The following ASAP3 variants were observed in gnomAD, a reference collection of about 807,000 sequenced individuals.
The protein encoded by ASAP3 is arf-GAP with SH3 domain, ANK repeat and PH domain-containing protein 3.
In ASAP3, 85 loss-of-function variants were observed where a neutral mutation model predicts 118.2. The observed-to-expected ratio is 0.72, with a 90% CI of 0.60 to 0.86. ASAP3 has a LOEUF of 0.86. Among genes scored for constraint, ASAP3 ranks in the 40% least tolerant of loss-of-function variants. The pLI is 0.00. For synonymous variants in ASAP3, 432 were observed against 477.4 expected (o/e 0.90, Z 1.24); for missense variants, 1,026 against 1,175.0 (o/e 0.87, Z 1.85).
intron 5 of ASAP3, among the ~76,000 whole-genome samples, chr1:23,446,525 C>T (rs1220790534): frequency 1.3e-5 from 2 of 151,038 alleles, no homozygotes; most frequent in African/African-American, 4.9e-5. Flanking sequence ...GCAACCTCTG[C>T]CTCCCAGGTT....
chr1:23,479,112 C>A (rs1642226520), intron 1 of ASAP3, among the ~76,000 whole-genome samples: 3 of 152,194 alleles, frequency 2.0e-5, no homozygotes, highest in African/African-American at 7.2e-5. Flanking sequence ...CTGGGCCGGG[C>A]TGTCAACCTC....
intron 7 of ASAP3, 137 bp from the exon 8 acceptor site, chr1:23,441,867 TC>T: frequency 2.3e-6 from 2 of 877,322 alleles, no homozygotes. Context: ...GAACAGACAC[TC>T]CATAGACAAG....
Position 23,431,728 on chromosome 1 carries a change from G to GGTGGTCCCGGAT in ASAP3, c.2502_2513dup (p.Ser835_Thr838dup). On this transcript the variant is annotated inframe_insertion, in exon 23 of 25. Coordinates refer to ENST00000336689, the MANE Select transcript of ASAP3 (RefSeq NM_017707.4). ...TGACGGGGAGGTACATCTCCGAAGG[G>GGTGGTCCCGGAT]GTGGTCCCGGATGTCAGGCTGGGTC... The GGTGGTCCCGGAT allele has an allele frequency of 1.3e-6, 2 of 1,522,460 alleles. No individual in the cohort carries two copies. The highest frequency in any genetic ancestry group is 2.7e-5 in the South Asian group (2 of 75,464). 94.3% of individuals were successfully genotyped at this position (1,522,460 alleles called of 1,614,324 possible).
intron 1 of ASAP3, among the ~76,000 whole-genome samples, chr1:23,460,733 G>C (rs1408706744): frequency 1.3e-5 from 2 of 152,094 alleles, no homozygotes; most frequent in African/African-American, 4.8e-5. Flanking sequence ...TTTTCTCAAT[G>C]AGTTGAAAAC....
intron 21 of ASAP3, 60 bp from the exon 22 acceptor site, chr1:23,433,332 C>T (rs1640513983): frequency 6.2e-7 from 1 of 1,609,892 alleles, no homozygotes. Context: ...AGCCCTGTCC[C>T]CCCGCCTCAC....
rs1176547554 is a variant in ASAP3 at position 23,437,791 on chromosome 1, C to A, written c.1103-319G>T. 1.3e-5 allele frequency among the ~76,000 whole-genome samples: 2 copies of A among 152,152 alleles called. No individual in the cohort carries two copies. The highest frequency in any genetic ancestry group is 3.9e-4 in the East Asian group (2 of 5,190). On this transcript the variant is annotated intron_variant, in intron 12 of 24. Coordinates refer to ENST00000336689, the MANE Select transcript of ASAP3 (RefSeq NM_017707.4). The surrounding 1 kb of genome is among the most constrained non-coding windows in gnomAD (Gnocchi z 6.1). ...AGGGCATCCTCTGAACCAACTGTCA[C>A]CACCCCACTGGGCCCTTCCTGGTCT...
At chr1:23,446,059 T>C (rs1038775586) in intron 5 of ASAP3, among the ~76,000 whole-genome samples, 15 of 152,168 alleles carry the variant, frequency 9.9e-5, no homozygotes, top group South Asian at 2.1e-4. Flanking sequence ...CCTGAGGATA[T>C]AGGCAGCTGA....
chr1:23,442,358 C>T (rs1640903430), intron 6 of ASAP3, 87 bp from the exon 7 acceptor site: 6 of 1,566,506 alleles, frequency 3.8e-6, no homozygotes, highest in East Asian at 2.3e-5. Context: ...CCAGGCTAAT[C>T]CTCCTGGCTG....
rs748992919 is a variant in ASAP3 at position 23,437,110 on chromosome 1, C to A, written c.1342+20G>T. On this transcript the variant is annotated intron_variant, in intron 14 of 24. Coordinates refer to ENST00000336689, the MANE Select transcript of ASAP3 (RefSeq NM_017707.4). This position sits in a 1 kb window ranked among gnomAD's most constrained non-coding sequence, Gnocchi z 6.1. Reference sequence around the variant, plus strand: ...CCCCTCCACTTAAGCCTCCCTCCTGCCCCGGCCCCGGGGACCGACCTGCAG... The same window carrying A: ...CCCCTCCACTTAAGCCTCCCTCCTGACCCGGCCCCGGGGACCGACCTGCAG... 3.1e-6 allele frequency: 5 copies of A among 1,600,828 alleles called. No individual in the cohort carries two copies. The highest frequency in any genetic ancestry group is 4.3e-6 in the Non-Finnish European group (5 of 1,173,378).
intron 1 of ASAP3, among the ~76,000 whole-genome samples, chr1:23,473,427 G>C (rs1480260030): frequency 1.3e-5 from 2 of 152,160 alleles, no homozygotes; most frequent in Non-Finnish European, 2.9e-5. Context: ...GTTTTTCCAG[G>C]GCCCTGACCT....
At position 23,451,842 on chromosome 1, in the gene ASAP3, C is replaced by T. The variant is rs182744059; in HGVS notation, c.424-314G>A. 3.3e-5 allele frequency among the ~76,000 whole-genome samples: 5 copies of T among 152,320 alleles called. No homozygotes were observed. In the East Asian group the frequency reaches 7.7e-4, roughly 23 times the overall value. ...ATCTTTGGGCTCTACCCTGAGTCCT[C>T]TTGCTCAGAAGAGAGATCAGTCATG... On this transcript the variant is annotated intron_variant, in intron 4 of 24. Transcript: ENST00000336689.
upstream of ASAP3, chr1:23,484,194 T>G: frequency 8.2e-7 from 1 of 1,213,514 alleles, no homozygotes; most frequent in South Asian, 4.1e-5. Context: ...TGCTCCGCGC[T>G]GAGCCGGCCT....
rs1641100019 is a variant in ASAP3 at position 23,447,969 on chromosome 1, G to A, written c.473+3510C>T. 1.3e-5 allele frequency among the ~76,000 whole-genome samples: 2 copies of A among 152,172 alleles called. 1 individual carries two copies. The highest frequency in any genetic ancestry group is 4.1e-4 in the South Asian group (2 of 4,830). ...ATAGTCATTCTGAGATGACCTAATA[G>A]CTGGGGAGTGCTTTTCTTCCCCTAT... On this transcript the variant is annotated intron_variant, in intron 5 of 24. Transcript: ENST00000336689.
chr1:23,429,848 G>A lies in ASAP3; in HGVS notation c.*8C>T, dbSNP rs779893309. ...CCTAGCATGGGGCATGTGGGGGCCA[G>A]CAAGGAGCTAGTCTTGCAAAAGTTG... On this transcript the variant is annotated 3_prime_UTR_variant, in exon 25 of 25. Coordinates refer to ENST00000336689, the MANE Select transcript of ASAP3 (RefSeq NM_017707.4). 8 of 1,612,824 alleles carry A rather than the reference G, an allele frequency of 5.0e-6. No homozygotes were observed. The highest frequency in any genetic ancestry group is 6.8e-6 in the Non-Finnish European group (8 of 1,179,348).
chr1:23,466,898 C>T (rs891037409), intron 1 of ASAP3, among the ~76,000 whole-genome samples: 4 of 151,988 alleles, frequency 2.6e-5, no homozygotes, highest in African/African-American at 7.3e-5. Context: ...GATGAAATCT[C>T]GCTCTGTAGC....
intron 1 of ASAP3, among the ~76,000 whole-genome samples, chr1:23,475,994 T>C (rs1168610648): frequency 6.6e-6 from 1 of 151,036 alleles, no homozygotes; most frequent in Non-Finnish European, 1.5e-5. Context: ...ATTCTTGATT[T>C]CTCCCCAAAC....
intron 10 of ASAP3, among the ~76,000 whole-genome samples, chr1:23,440,284 A>G (rs978551215): frequency 2.7e-5 from 4 of 149,538 alleles, no homozygotes; most frequent in African/African-American, 9.8e-5. Context: ...GGCAGATCAC[A>G]AGGTCAGAAG....
At chr1:23,442,995 A>G (rs2148619580) in intron 5 of ASAP3, among the ~76,000 whole-genome samples, 1 of 152,218 alleles carries the variant, frequency 6.6e-6, no homozygotes, top group East Asian at 1.9e-4. Flanking sequence ...GGCTGGTGCC[A>G]GCTAAGGTAA....
At chr1:23,469,689 G>A (rs1460661733) in intron 1 of ASAP3, among the ~76,000 whole-genome samples, 2 of 152,112 alleles carry the variant, frequency 1.3e-5, no homozygotes, top group Admixed American at 1.3e-4. Flanking sequence ...GCTCACTTTG[G>A]GGCAGGCATT....
Sources: gnomAD v4.1 joint callset for allele counts (sites outside exome capture counted in the v4.1 genomes callset) on GRCh38, gnomAD v4.1.1 for gene constraint, Gnocchi (gnomAD v3.1) non-coding constraint, MANE v1.5 for transcripts, NCBI Gene and HGNC (gene_info 2026-07-23, HGNC 2026-07-21) for gene names.